Variants in FBXO10 observed in about 807,000 individuals in gnomAD.
The protein encoded by FBXO10 is F-box only protein 10.
In FBXO10, 39 loss-of-function variants were observed where a neutral mutation model predicts 80.7. The ratio of observed to expected loss-of-function variants is 0.48; its 90% CI spans 0.37 to 0.63. The LOEUF is 0.63. Ranked by LOEUF, FBXO10 falls within the 30% of genes least tolerant of loss-of-function variation. The pLI, the probability that FBXO10 is intolerant of heterozygous loss-of-function variation, is 0.00. For missense variants in FBXO10, 1,025 were observed against 1,269.0 expected (o/e 0.81, Z 2.92); for synonymous variants, 449 against 489.6 (o/e 0.92, Z 1.09).
chr9:37,526,186 T>C (rs1263882495), intron 5 of FBXO10, among the ~76,000 whole-genome samples: 1 of 152,120 alleles, frequency 6.6e-6, no homozygotes, highest in African/African-American at 2.4e-5. Flanking sequence ...GGATATTAAC[T>C]GCAGATGAGC....
At chr9:37,574,470 T>C (rs1247940133) in intron 1 of FBXO10, among the ~76,000 whole-genome samples, 1 of 152,218 alleles carries the variant, frequency 6.6e-6, no homozygotes, top group Admixed American at 6.5e-5. Flanking sequence ...AAGGCGGCTC[T>C]TCTCAGAAAT....
At chr9:37,534,324 G>C (rs1821701624) in intron 3 of FBXO10, among the ~76,000 whole-genome samples, 1 of 152,180 alleles carries the variant, frequency 6.6e-6, no homozygotes, top group South Asian at 2.1e-4. Context: ...CTTTCTGGTG[G>C]AACCCATCAG....
chr9:37,518,269 G>T lies in FBXO10; in HGVS notation c.2370C>A (p.Cys790Ter), dbSNP rs1284696280. The T allele has an allele frequency of 3.7e-6, 6 of 1,613,942 alleles. No homozygotes were observed. Among genetic ancestry groups the T allele is most frequent in the African/African-American group, 1.3e-5 (1 of 74,948 alleles). The change falls in exon 9 of 11, where the codon TGC (cysteine) becomes TGA (stop). Residue 790 changes from cysteine to a stop codon, truncating the protein, a stop_gained. Coordinates refer to ENST00000432825, the MANE Select transcript of FBXO10 (RefSeq NM_012166.3). LOFTEE classifies it high-confidence loss of function. ...RQSGVKVEAQ[C>*]KVELRGNGIY... ...TACCATTGCCCCGGAGCTCCACTTT[G>T]CACTGGGCCTCAACCTTGACCCCAC...
At chr9:37,568,098 A>ATT (rs139654263) in intron 1 of FBXO10, among the ~76,000 whole-genome samples, 5,639 of 152,210 alleles carry the variant, frequency 0.037, 343 homozygotes, top group African/African-American at 0.13. Context: ...ACACAGTAAC[A>ATT]TTTTCTTTTT....
chr9:37,543,072 C>A (rs1012740523), intron 1 of FBXO10, among the ~76,000 whole-genome samples: 2 of 152,198 alleles, frequency 1.3e-5, no homozygotes, highest in Admixed American at 6.5e-5. Context: ...CCACGTGGGG[C>A]AGCCCCAGGA....
chr9:37,550,169 G>GTTTTTTTTTTTTTTTTTTTTTTTTTT lies in FBXO10; in HGVS notation c.-6-8421_-6-8396dup, dbSNP rs74171511. On this transcript the variant is annotated intron_variant, in intron 1 of 10. Coordinates refer to ENST00000432825, the MANE Select transcript of FBXO10 (RefSeq NM_012166.3). ...CAGTTTTCTTTTTTTGTCGTCTCAG[G>GTTTTTTTTTTTTTTTTTTTTTTTTTT]TTTTTTTTTTTTTTTTTTTTTTTTT... Among the ~76,000 whole-genome samples, 7 of 68,006 alleles carry GTTTTTTTTTTTTTTTTTTTTTTTTTT rather than the reference G, an allele frequency of 1.0e-4. 2 individuals carry two copies. The highest frequency in any genetic ancestry group is 1.5e-4 in the African/African-American group (3 of 19,376). The allele number at this position is 68,006 out of a possible 152,430, so 44.6% of individuals were successfully genotyped here. A position where few individuals can be genotyped will look rare whatever the true frequency, so the allele number is the denominator to read the frequency against.
Position 37,537,425 on chromosome 9 carries a change from G to A in FBXO10, c.1104C>T (p.Asp368=). Residue 368 remains aspartate (D), a synonymous_variant, in exon 3 of 11, where the codon GAC becomes GAT. Transcript: ENST00000432825. ...GGTAGGATAGTCTGTACATCAGCTG[G>A]TCCTCATCTTCATCCTCACCGCTGG... The part of the protein sequence containing the change: ...LSPSGEDEDE[D]QLMYRLSYQV... 3 of 1,600,412 alleles carry A rather than the reference G, an allele frequency of 1.9e-6. No individual in the cohort carries two copies. The highest frequency in any genetic ancestry group is 2.3e-5 in the East Asian group (1 of 44,304).
intron 1 of FBXO10, among the ~76,000 whole-genome samples, chr9:37,567,056 T>G (rs1369704267): frequency 1.3e-5 from 2 of 152,184 alleles, no homozygotes; most frequent in African/African-American, 4.8e-5. Context: ...TCACATAAAT[T>G]TATTGCATGT....
At chr9:37,516,985 G>T (rs936527023) in intron 9 of FBXO10, among the ~76,000 whole-genome samples, 1 of 150,360 alleles carries the variant, frequency 6.7e-6, no homozygotes, top group African/African-American at 2.5e-5. Flanking sequence ...CAAAAAAAAG[G>T]TGGTATATAT....
At chr9:37,550,883 C>CA (rs1431081073) in intron 1 of FBXO10, among the ~76,000 whole-genome samples, 2 of 152,292 alleles carry the variant, frequency 1.3e-5, no homozygotes, top group East Asian at 3.9e-4. Context: ...CCAATAGCCC[C>CA]AAAAAGTCTT....
At chr9:37,516,395 GC>G (rs1358475165) in intron 9 of FBXO10, among the ~76,000 whole-genome samples, 3 of 152,164 alleles carry the variant, frequency 2.0e-5, no homozygotes, top group African/African-American at 7.2e-5. Context: ...AGGGCCACTG[GC>G]AACCCAACTG....
At chr9:37,558,977 A>AT (rs1443490679) in intron 1 of FBXO10, among the ~76,000 whole-genome samples, 3 of 151,968 alleles carry the variant, frequency 2.0e-5, no homozygotes, top group Non-Finnish European at 4.4e-5. Context: ...CGCCCGGCTA[A>AT]TTTTTTGTAT....
chr9:37,529,318 T>C, intron 4 of FBXO10, 58 bp from the exon 5 acceptor site: 2 of 1,556,278 alleles, frequency 1.3e-6, no homozygotes, highest in Non-Finnish European at 1.7e-6. Flanking sequence ...CGAAGCAGAG[T>C]GCCCAGGTGC....
At chr9:37,535,355 A>C (rs1021142553) in intron 3 of FBXO10, among the ~76,000 whole-genome samples, 1 of 145,966 alleles carries the variant, frequency 6.9e-6, no homozygotes, top group African/African-American at 2.5e-5. Flanking sequence ...CTTTTTTTTT[A>C]TTTTTTTTTT....
chr9:37,552,551 G>A (rs1822223531), intron 1 of FBXO10, among the ~76,000 whole-genome samples: 1 of 152,088 alleles, frequency 6.6e-6, no homozygotes. Context: ...AATTAGCCGG[G>A]CATGGTGGTG....
At chr9:37,538,212 CT>C (rs2119117147) in intron 2 of FBXO10, among the ~76,000 whole-genome samples, 1 of 152,248 alleles carries the variant, frequency 6.6e-6, no homozygotes, top group East Asian at 1.9e-4. Flanking sequence ...AAAGTTCACA[CT>C]GCAGCATGAC....
Position 37,531,834 on chromosome 9 carries a change from C to T in FBXO10, c.1569+75G>A, listed in dbSNP as rs181166189. ...GAAGCACGTAAATACAAGAGGGCAA[C>T]GTGTATTTAAATATCCTCACAAATG... On this transcript the variant is annotated intron_variant, in intron 4 of 10. Coordinates refer to ENST00000432825, the MANE Select transcript of FBXO10 (RefSeq NM_012166.3). The T allele has an allele frequency of 5.9e-4, 921 of 1,551,210 alleles. 1 individual carries two copies. Among genetic ancestry groups the T allele is most frequent in the Non-Finnish European group, 7.7e-4 (865 of 1,128,646 alleles).
chr9:37,519,671 A>G (rs1821277694), intron 8 of FBXO10, among the ~76,000 whole-genome samples: 2 of 152,236 alleles, frequency 1.3e-5, no homozygotes, highest in Non-Finnish European at 2.9e-5. Context: ...CGTACCGGAC[A>G]GACAGCATGG....
At chr9:37,529,770 G>A (rs963125965) in intron 4 of FBXO10, among the ~76,000 whole-genome samples, 4 of 152,152 alleles carry the variant, frequency 2.6e-5, no homozygotes, top group African/African-American at 9.7e-5. Context: ...AGACACTGGG[G>A]GGCCAAGCTG....
Sources: allele counts gnomAD v4.1 joint callset (sites outside exome capture counted in the v4.1 genomes callset), GRCh38; gene constraint gnomAD v4.1.1; transcripts MANE v1.5; gene names NCBI Gene and HGNC (gene_info 2026-07-23, HGNC 2026-07-21).